Variants in ATP11A observed in about 807,000 individuals in gnomAD.
ATP11A encodes the protein ATPase phospholipid transporting 11A, also known as phospholipid-transporting ATPase IH.
In ATP11A, 81 loss-of-function variants were observed where a neutral mutation model predicts 154.4. The observed-to-expected ratio is 0.52, with a 90% CI of 0.44 to 0.63. The LOEUF (loss-of-function observed/expected upper bound fraction) is 0.63, where lower values mean the gene tolerates loss of function less well. Ranked by LOEUF, ATP11A falls within the 30% of genes least tolerant of loss-of-function variation. The pLI, the probability that ATP11A is intolerant of heterozygous loss-of-function variation, is 0.00. For synonymous variants in ATP11A, 623 were observed against 585.9 expected, an observed-to-expected ratio of 1.06 and a Z score of -0.91; for missense variants, 1,316 against 1,474.3, an observed-to-expected ratio of 0.89 and a Z score of 1.76.
intron 12 of ATP11A, among the ~76,000 whole-genome samples, chr13:112,827,801 G>T (rs556006990): frequency 6.6e-6 from 1 of 152,342 alleles, no homozygotes; most frequent in South Asian, 2.1e-4. Context: ...GCCTCTCTCT[G>T]CCTCCTGTGA....
chr13:112,863,876 C>T (rs1308506116), intron 25 of ATP11A, among the ~76,000 whole-genome samples: 20 of 91,044 alleles, frequency 2.2e-4, no homozygotes, highest in Non-Finnish European at 9.4e-5. Context: ...AGCTTCCCAG[C>T]GGGGTCCATC....
At chr13:112,722,358 A>G (rs1889304387) in intron 1 of ATP11A, among the ~76,000 whole-genome samples, 1 of 152,014 alleles carries the variant, frequency 6.6e-6, no homozygotes, top group Non-Finnish European at 1.5e-5. Flanking sequence ...GGTAGATTTA[A>G]ATTTTTTCTA....
At position 112,718,495 on chromosome 13, in the gene ATP11A, C is replaced by T. The variant is rs143762780; in HGVS notation, c.39+28040C>T. Among the ~76,000 whole-genome samples the T allele has an allele frequency of 2.0e-3, 298 of 152,250 alleles. 1 individual carries two copies. The highest frequency in any genetic ancestry group is 5.5e-3 in the African/African-American group (227 of 41,538). On this transcript the variant is annotated intron_variant, in intron 1 of 29. Coordinates refer to ENST00000375645, the MANE Select transcript of ATP11A (RefSeq NM_015205.3). ...ATGTGAAATACCCCCAGAGGGCAGC[C>T]GCCTCCGCTGGGGGTCCTCCCTCCG... is the stretch of plus-strand genomic sequence containing the variant.
chr13:112,761,510 CATT>C (rs984436501), intron 1 of ATP11A, among the ~76,000 whole-genome samples: 2 of 152,140 alleles, frequency 1.3e-5, no homozygotes, highest in African/African-American at 4.8e-5. Context: ...ATAGGGAAAA[CATT>C]GTGTCCATAG....
intron 14 of ATP11A, 100 bp from the exon 15 acceptor site, chr13:112,834,489 T>G: frequency 1.3e-6 from 1 of 768,900 alleles, no homozygotes; most frequent in South Asian, 1.6e-5. Flanking sequence ...AAGTATTTCT[T>G]TTTTGAAAAG....
intron 1 of ATP11A, among the ~76,000 whole-genome samples, chr13:112,764,320 C>T (rs1242354835): frequency 6.7e-6 from 1 of 150,114 alleles, no homozygotes; most frequent in Non-Finnish European, 1.5e-5. Flanking sequence ...ACTTAGCTTC[C>T]TTGTGTCTGT....
intron 1 of ATP11A, among the ~76,000 whole-genome samples, chr13:112,776,076 G>A (rs112923664): frequency 0.014 from 2,080 of 152,302 alleles, 55 homozygotes; most frequent in African/African-American, 0.046. Flanking sequence ...CGGCTGACCT[G>A]CAGGCTCGGA....
At chr13:112,813,078 A>G (rs1335683399) in intron 5 of ATP11A, among the ~76,000 whole-genome samples, 1 of 152,214 alleles carries the variant, frequency 6.6e-6, no homozygotes, top group Non-Finnish European at 1.5e-5. Context: ...GATGCTAAAC[A>G]GGCTACTCAG....
chr13:112,712,202 G>A (rs748382844), intron 1 of ATP11A, among the ~76,000 whole-genome samples: 4 of 152,298 alleles, frequency 2.6e-5, no homozygotes, highest in South Asian at 2.1e-4. Context: ...TTTGCTTCAC[G>A]GTGAAATGTG....
At chr13:112,750,666 A>T (rs1184768076) in intron 1 of ATP11A, among the ~76,000 whole-genome samples, 2 of 152,254 alleles carry the variant, frequency 1.3e-5, no homozygotes, top group Non-Finnish European at 2.9e-5. Flanking sequence ...CCTCTCGTGA[A>T]TTTCTCAGTC....
At chr13:112,784,786 G>T (rs2077581920) in intron 1 of ATP11A, among the ~76,000 whole-genome samples, 1 of 152,214 alleles carries the variant, frequency 6.6e-6, no homozygotes, top group African/African-American at 2.4e-5. Context: ...GCCTCCCAAA[G>T]TGCTGGGATT....
At chr13:112,780,103 C>T (rs1224585023) in intron 1 of ATP11A, among the ~76,000 whole-genome samples, 1 of 151,760 alleles carries the variant, frequency 6.6e-6, no homozygotes, top group Non-Finnish European at 1.5e-5. Context: ...AAATAATGAT[C>T]TCGTGTGCAA....
intron 1 of ATP11A, among the ~76,000 whole-genome samples, chr13:112,732,873 A>T (rs1441848729): frequency 1.3e-5 from 2 of 152,106 alleles, no homozygotes; most frequent in African/African-American, 4.8e-5. Flanking sequence ...TCGGCCTCCC[A>T]AGGTGCTGTG....
chr13:112,847,639 C>T (rs150031045), intron 17 of ATP11A, among the ~76,000 whole-genome samples: 2 of 152,308 alleles, frequency 1.3e-5, no homozygotes, highest in East Asian at 1.9e-4. Flanking sequence ...TCCCAGTTCC[C>T]GCTGTTTTGA....
intron 1 of ATP11A, among the ~76,000 whole-genome samples, chr13:112,705,760 A>C (rs1425945873): frequency 6.6e-6 from 1 of 152,244 alleles, no homozygotes; most frequent in Non-Finnish European, 1.5e-5. Context: ...CTTGTTTAAT[A>C]TTATACGGCC....
chr13:112,783,986 C>A (rs2077561261), intron 1 of ATP11A, among the ~76,000 whole-genome samples: 1 of 152,212 alleles, frequency 6.6e-6, no homozygotes, highest in South Asian at 2.1e-4. Flanking sequence ...TCTTACCCAT[C>A]TGCAGATGCA....
chr13:112,756,594 C>T (rs79542473), intron 1 of ATP11A, among the ~76,000 whole-genome samples: 6,904 of 152,308 alleles, frequency 0.045, 506 homozygotes, highest in African/African-American at 0.15. Flanking sequence ...ACAGCAGACA[C>T]GATTTCAGAC....
rs2080896157 is a variant in ATP11A at position 112,881,919 on chromosome 13, GCTCCCA to G, written c.*57_*62del. 8 of 1,367,724 alleles carry G rather than the reference GCTCCCA, an allele frequency of 5.8e-6. No individual in the cohort carries two copies. Among genetic ancestry groups the G allele is most frequent in the South Asian group, 2.3e-5 (2 of 88,044 alleles). The allele number at this position is 1,367,724 out of a possible 1,614,324, so 84.7% of individuals were successfully genotyped here. A position where few individuals can be genotyped will look rare whatever the true frequency, so the allele number is the denominator to read the frequency against. On this transcript the variant is annotated 3_prime_UTR_variant, in exon 30 of 30. Coordinates refer to ENST00000375645, the MANE Select transcript of ATP11A (RefSeq NM_015205.3). The stretch of plus-strand genomic sequence containing the variant: ...ACCTGTCCCTCGGCCGCCTGGTACA[GCTCCCA>G]CTCTCAGCAGGTGACACTCGCGGCC...
intron 18 of ATP11A, chr13:112,851,756 C>T (rs1231227135): frequency 6.6e-6 from 1 of 152,286 alleles, no homozygotes; most frequent in Non-Finnish European, 1.5e-5. Flanking sequence ...TTCCTGGCCT[C>T]AAGCAATCCT....
Sources: gnomAD v4.1 joint callset for allele counts (sites outside exome capture counted in the v4.1 genomes callset) on GRCh38, gnomAD v4.1.1 for gene constraint, MANE v1.5 for transcripts, NCBI Gene and HGNC (gene_info 2026-07-23, HGNC 2026-07-21) for gene names.